Variants in MYO16 observed in about 807,000 individuals in gnomAD.
MYO16 encodes the protein unconventional myosin-XVI.
MYO16 carries 94 observed loss-of-function variants against 205.3 expected under a neutral mutation model. That is an observed-to-expected ratio of 0.46 (90% CI 0.39 to 0.54). MYO16 has a LOEUF of 0.54. Among genes scored for constraint, MYO16 ranks in the 20% least tolerant of loss-of-function variants. The pLI is 0.00. For synonymous variants in MYO16, 988 were observed against 954.0 expected (o/e 1.04, Z -0.66); for missense variants, 2,315 against 2,387.5 (o/e 0.97, Z 0.63).
At chr13:109,022,879 A>T (rs1886133422) in intron 23 of MYO16, among the ~76,000 whole-genome samples, 1 of 130,744 alleles carries the variant, frequency 7.6e-6, no homozygotes, top group African/African-American at 2.7e-5. Flanking sequence ...ACATGTATAT[A>T]TTTATTATAT....
At chr13:109,034,044 C>T (rs1014360421) in intron 23 of MYO16, among the ~76,000 whole-genome samples, 11 of 151,978 alleles carry the variant, frequency 7.2e-5, no homozygotes, top group Non-Finnish European at 1.2e-4. Context: ...CAGATTCATT[C>T]GAGAGCAAAT....
intron 22 of MYO16, among the ~76,000 whole-genome samples, chr13:109,015,049 A>G (rs1021775473): frequency 6.6e-6 from 1 of 152,224 alleles, no homozygotes; most frequent in African/African-American, 2.4e-5. Context: ...CAGTTTGCAA[A>G]GGGAACGCTT....
In MYO16 at chr13:109,008,972, T is replaced by C; in HGVS notation, c.2518T>C (p.Cys840Arg). Residue 840 changes from cysteine to arginine, a missense_variant, in exon 22 of 35, where the codon TGT becomes CGT. Physicochemically the swap from Cys to Arg is radical, Grantham distance 180. Around this residue, in one of 3 missense-constraint regions of MYO16, gnomAD observed 1,213 missense variants for 1,274.4 expected, o/e 0.95. Coordinates refer to ENST00000457511, the MANE Select transcript of MYO16 (RefSeq NM_001198950.3). ...GCTTTTTCTCCACGAGCAAGTGGAA[T>C]GTGTACAAGAGGGAGTTACCATGGA... The part of the protein sequence containing the change: ...EVLFLHEQVE[C>R]VQEGVTMETA... 2 of 1,612,942 alleles carry C rather than the reference T, an allele frequency of 1.2e-6. No homozygotes were observed. The highest frequency in any genetic ancestry group is 1.1e-5 in the South Asian group (1 of 90,808).
At chr13:108,833,955 A>T (rs752688686) in intron 9 of MYO16, among the ~76,000 whole-genome samples, 5 of 152,072 alleles carry the variant, frequency 3.3e-5, no homozygotes, top group African/African-American at 4.8e-5. Flanking sequence ...ATTTTTTCTC[A>T]CCAAATAAAG....
intron 14 of MYO16, among the ~76,000 whole-genome samples, chr13:108,895,081 A>G (rs1241847194): frequency 4.6e-5 from 7 of 152,186 alleles, no homozygotes; most frequent in African/African-American, 1.7e-4. Context: ...CGATTGAGTT[A>G]ATATTTTTTA....
intron 9 of MYO16, among the ~76,000 whole-genome samples, chr13:108,838,576 G>A (rs1877056084): frequency 6.6e-6 from 1 of 150,568 alleles, no homozygotes; most frequent in Admixed American, 6.6e-5. Flanking sequence ...GCTGAGGCAG[G>A]AGAATCACTT....
At chr13:109,118,455 TCTC>T (rs1594101102) in intron 28 of MYO16, among the ~76,000 whole-genome samples, 1 of 152,210 alleles carries the variant, frequency 6.6e-6, no homozygotes, top group Non-Finnish European at 1.5e-5. Flanking sequence ...AGAATCCTGT[TCTC>T]CTGTTTCCCT....
At chr13:109,173,984 C>G (rs1879050263) in intron 33 of MYO16, among the ~76,000 whole-genome samples, 1 of 140,216 alleles carries the variant, frequency 7.1e-6, no homozygotes, top group African/African-American at 2.7e-5. Flanking sequence ...GAAAAGTGTA[C>G]CTGATTGTAC....
Position 108,892,405 on chromosome 13 carries a change from A to G in MYO16, c.1659+3928A>G, listed in dbSNP as rs1217719222. ...CAGGCGTGTGCCACCACACCTGCCTAATTTTTGTAGTTTTTAGTAGAGATG... is the reference window on the plus strand; with the variant it reads ...CAGGCGTGTGCCACCACACCTGCCTGATTTTTGTAGTTTTTAGTAGAGATG... On this transcript the variant is annotated intron_variant, in intron 14 of 34. Transcript: ENST00000457511. Among the ~76,000 whole-genome samples, 5 of 151,912 alleles carry G rather than the reference A, an allele frequency of 3.3e-5. No individual in the cohort carries two copies. The East Asian group carries it at 7.7e-4, about 23-fold the overall frequency.
chr13:108,611,985 T>TG (rs59573178), intron 1 of MYO16, among the ~76,000 whole-genome samples: 1 of 142,982 alleles, frequency 7.0e-6, no homozygotes, highest in African/African-American at 2.5e-5. Flanking sequence ...TTTTTTTTTT[T>TG]TTTTTTTTGA....
At chr13:108,908,876 G>A (rs1025948834) in intron 15 of MYO16, among the ~76,000 whole-genome samples, 1 of 151,872 alleles carries the variant, frequency 6.6e-6, no homozygotes, top group Non-Finnish European at 1.5e-5. Context: ...AGGAGGCTGA[G>A]GCAGGAGAAT....
At chr13:108,705,854 C>G (rs972906782) in intron 2 of MYO16, among the ~76,000 whole-genome samples, 1 of 152,028 alleles carries the variant, frequency 6.6e-6, no homozygotes, top group Non-Finnish European at 1.5e-5. Flanking sequence ...AAAATCTTTC[C>G]ACAAAGGAAA....
intron 1 of MYO16, among the ~76,000 whole-genome samples, chr13:108,648,581 T>A (rs1041099365): frequency 2.0e-5 from 3 of 150,894 alleles, no homozygotes; most frequent in African/African-American, 7.3e-5. Context: ...TAATATATAA[T>A]AAATATTCTA....
At chr13:109,166,973 A>T (rs1016283775) in intron 33 of MYO16, 1 of 152,198 alleles carries the variant, frequency 6.6e-6, no homozygotes, top group Non-Finnish European at 1.5e-5. Flanking sequence ...GACCACAGTC[A>T]TCTTGAGACT....
rs115908337 is a variant in MYO16 at position 108,601,694 on chromosome 13, A to G, written c.-39+5455A>G. 8.8e-3 allele frequency among the ~76,000 whole-genome samples: 1,341 copies of G among 152,064 alleles called. 20 individuals are homozygous for G. Among genetic ancestry groups the G allele is most frequent in the African/African-American group, 0.031 (1,267 of 41,500 alleles). On this transcript the variant is annotated intron_variant, in intron 1 of 24. Coordinates refer to the MYO16 transcript ENST00000251041. ...TCCCAGACCTTTGTCCCAACTTCCAACCCTGCCCTGAGCCTAGTCCTTCAT... is the reference window on the plus strand; with the variant it reads ...TCCCAGACCTTTGTCCCAACTTCCAGCCCTGCCCTGAGCCTAGTCCTTCAT...
chr13:108,809,220 A>G (rs1354293192), intron 7 of MYO16, among the ~76,000 whole-genome samples: 1 of 152,152 alleles, frequency 6.6e-6, no homozygotes, highest in African/African-American at 2.4e-5. Flanking sequence ...ACACTTCCCA[A>G]CTACTTCATT....
chr13:109,019,678 CA>C (rs765544116), intron 22 of MYO16, 32 bp from the exon 23 acceptor site: 6 of 1,548,592 alleles, frequency 3.9e-6, no homozygotes, highest in Non-Finnish European at 5.3e-6. Context: ...AAGTAATAGA[CA>C]AAACAACTCC....
At chr13:108,657,300 C>G (rs1220702034) in intron 1 of MYO16, among the ~76,000 whole-genome samples, 1 of 152,184 alleles carries the variant, frequency 6.6e-6, no homozygotes, top group African/African-American at 2.4e-5. Context: ...GTCTAAGTGT[C>G]TATTCCTCTA....
rs183408763 is a variant in MYO16 at position 108,783,510 on chromosome 13, A to G, written c.508-2125A>G. On this transcript the variant is annotated intron_variant, in intron 4 of 34. Coordinates refer to ENST00000457511, the MANE Select transcript of MYO16 (RefSeq NM_001198950.3). Reference sequence around the variant, plus strand: ...TTTTGGGTTAATGCTGAATTGAGTTAAGACTTTGGGGGACTGTTGAGAAGG... The same window carrying G: ...TTTTGGGTTAATGCTGAATTGAGTTGAGACTTTGGGGGACTGTTGAGAAGG... 8.8e-4 allele frequency among the ~76,000 whole-genome samples: 134 copies of G among 152,272 alleles called. 1 individual carries two copies. Among genetic ancestry groups the G allele is most frequent in the African/African-American group, 3.1e-3 (127 of 41,554 alleles).
Sources: gnomAD v4.1 joint callset for allele counts (sites outside exome capture counted in the v4.1 genomes callset) on GRCh38, gnomAD v4.1.1 for gene constraint, gnomAD v4.1.1 regional missense constraint, MANE v1.5 for transcripts, NCBI Gene and HGNC (gene_info 2026-07-23, HGNC 2026-07-21) for gene names.